KIAA2012: variants seen among roughly 807,000 people sequenced by gnomAD.
KIAA2012 encodes uncharacterized protein KIAA2012.
In KIAA2012, 125 loss-of-function variants were observed where a neutral mutation model predicts 150.6. The observed-to-expected ratio is 0.83, with a 90% CI of 0.72 to 0.96. KIAA2012 has a LOEUF of 0.96. KIAA2012 is among the 40% of genes least tolerant of loss of function. KIAA2012 has a pLI of 0.00. For synonymous variants in KIAA2012, 462 were observed against 504.7 expected (o/e 0.92, Z 1.13); for missense variants, 1,219 against 1,354.9 (o/e 0.90, Z 1.57).
chr2:202,154,957 G>A (rs1691494335), intron 14 of KIAA2012, 147 bp downstream of exon 14: 2 of 957,970 alleles, frequency 2.1e-6, no homozygotes, highest in South Asian at 2.0e-5. Context: ...GCAGTTTGTA[G>A]CAGATGAAGA....
intron 2 of KIAA2012, among the ~76,000 whole-genome samples, chr2:202,080,893 G>A (rs1051110784): frequency 3.9e-5 from 6 of 152,078 alleles, no homozygotes; most frequent in African/African-American, 1.4e-4. Context: ...ACAGTTTGCT[G>A]GCAGTAAGTA....
At chr2:202,110,211 C>A (rs746279619) in intron 10 of KIAA2012, among the ~76,000 whole-genome samples, 2 of 152,214 alleles carry the variant, frequency 1.3e-5, no homozygotes, top group Non-Finnish European at 2.9e-5. Context: ...AGGGCAGAGC[C>A]TGTTCACAGA....
chr2:202,170,183 A>G (rs1178503113), intron 15 of KIAA2012, among the ~76,000 whole-genome samples: 1 of 152,234 alleles, frequency 6.6e-6, no homozygotes, highest in African/African-American at 2.4e-5. Context: ...GGCTCAGTGC[A>G]GCAACAAGTG....
intron 13 of KIAA2012, among the ~76,000 whole-genome samples, chr2:202,139,252 A>G (rs1691147114): frequency 6.8e-6 from 1 of 147,306 alleles, no homozygotes; most frequent in Admixed American, 6.9e-5. Context: ...AAAAAAAAAA[A>G]GAATATCTAT....
At chr2:202,107,484 G>A (rs548309811) in intron 9 of KIAA2012, among the ~76,000 whole-genome samples, 1 of 152,188 alleles carries the variant, frequency 6.6e-6, no homozygotes, top group African/African-American at 2.4e-5. Flanking sequence ...CACAATGCGA[G>A]ATGCACAGCT....
chr2:202,190,379 T>C lies in KIAA2012; in HGVS notation c.2697T>C (p.Tyr899=), dbSNP rs2105747009. ...FVEDPWLSPK[Y]DAQESQVSLD... ...AGGACCCTTGGCTTTCTCCCAAATA[T>C]GATGCCCAGGAAAGCCAAGTTTCTC... The change falls in exon 19 of 24, where the codon TAT becomes TAC. Residue 899 remains tyrosine, a synonymous_variant. Transcript: ENST00000498697. The C allele has an allele frequency of 1.3e-6, 2 of 1,550,652 alleles. No homozygotes were observed. Among genetic ancestry groups the C allele is most frequent in the Non-Finnish European group, 1.7e-6 (2 of 1,147,004 alleles).
chr2:202,193,503 G>A lies in KIAA2012; in HGVS notation c.3014G>A (p.Arg1005His), dbSNP rs768818152. The A allele has an allele frequency of 1.5e-5, 24 of 1,549,912 alleles. No individual in the cohort carries two copies. The highest frequency in any genetic ancestry group is 2.7e-5 in the African/African-American group (2 of 73,160). ...LEQQRRTEEI[R>H]LRKQRLQEEQ... ...CAGCAGAGACGTACAGAAGAGATCCGGTAGGTTGGGCAAGCCAAAGAGACT... is the reference window on the plus strand; with the variant it reads ...CAGCAGAGACGTACAGAAGAGATCCAGTAGGTTGGGCAAGCCAAAGAGACT... The change falls in exon 20 of 24, where the codon CGC becomes CAC. Residue 1005 changes from arginine (R) to histidine (H), a missense_variant and splice_region_variant. Arg to His is a conservative substitution (Grantham distance 29, BLOSUM62 0). Coordinates refer to ENST00000498697, the MANE Select transcript of KIAA2012 (RefSeq NM_001277372.4).
At chr2:202,117,751 C>A (rs901214003) in intron 11 of KIAA2012, among the ~76,000 whole-genome samples, 1 of 152,146 alleles carries the variant, frequency 6.6e-6, no homozygotes, top group African/African-American at 2.4e-5. Context: ...GTTCTAGGGC[C>A]AGATACATTT....
chr2:202,201,490 G>A, intron 22 of KIAA2012: 1 of 1,602,732 alleles, frequency 6.2e-7, no homozygotes, highest in South Asian at 1.1e-5. Context: ...GCACTGGGAG[G>A]GCATCCAGGA....
rs184909905 is a variant in KIAA2012, at chr2:202,190,310, A to G, written c.2628A>G (p.Glu876=). 635 of 1,550,592 alleles carry G rather than the reference A, an allele frequency of 4.1e-4. 1 individual carries two copies. In the African/African-American group the frequency reaches 7.8e-3, roughly 19 times the overall value. Residue 876 remains glutamate, a synonymous_variant, in exon 19 of 24, where the codon GAA becomes GAG. Transcript: ENST00000498697. The part of the protein sequence containing the change: ...SGPDVSYEET[E]DTSNRGSFAS... ...CTGATGTCAGCTATGAGGAAACAGAAGACACCTCAAATAGAGGTTCCTTTG... is the reference window on the plus strand; with the variant it reads ...CTGATGTCAGCTATGAGGAAACAGAGGACACCTCAAATAGAGGTTCCTTTG...
At chr2:202,184,478 T>G (rs556571474) in intron 15 of KIAA2012, among the ~76,000 whole-genome samples, 35 of 151,286 alleles carry the variant, frequency 2.3e-4, no homozygotes, top group African/African-American at 8.3e-4. Flanking sequence ...ATACCAGGAG[T>G]GAGATTCCTG....
intron 22 of KIAA2012, chr2:202,201,462 A>G: frequency 6.3e-7 from 1 of 1,596,118 alleles, no homozygotes; most frequent in Admixed American, 1.7e-5. Context: ...GGCTGCCTGC[A>G]TGACTGCAAG....
chr2:202,074,755 T>G lies in KIAA2012; in HGVS notation c.85-136T>G, dbSNP rs1689284322. 3.5e-6 allele frequency: 3 copies of G among 863,146 alleles called. No individual in the cohort carries two copies. The South Asian group carries it at 5.8e-5, about 17-fold the overall frequency. The allele number at this position is 863,146 out of a possible 1,614,324, so 53.5% of individuals were successfully genotyped here. On this transcript the variant is annotated intron_variant, in intron 1 of 23. Transcript: ENST00000498697. The stretch of plus-strand genomic sequence containing the variant: ...AAAGGCAGTTGCTAAGAAGAGCAAT[T>G]GTGTTCCATAACACCATGTGAACAG...
intron 2 of KIAA2012, among the ~76,000 whole-genome samples, chr2:202,078,395 C>T (rs1689372199): frequency 6.6e-6 from 1 of 152,294 alleles, no homozygotes; most frequent in South Asian, 2.1e-4. Context: ...CTCAAGTGGT[C>T]CTCCCATCTC....
intron 22 of KIAA2012, chr2:202,197,254 C>A: frequency 3.2e-6 from 2 of 624,036 alleles, no homozygotes; most frequent in Non-Finnish European, 2.7e-6. Context: ...CTACGTCAAC[C>A]CCCTAGTTTA....
chr2:202,090,529 A>G (rs1689691665), intron 2 of KIAA2012, among the ~76,000 whole-genome samples: 1 of 152,196 alleles, frequency 6.6e-6, no homozygotes, highest in Admixed American at 6.5e-5. Flanking sequence ...CTATCTCAAG[A>G]TGGGATCTGG....
chr2:202,145,245 T>C (rs1486941155), intron 13 of KIAA2012, among the ~76,000 whole-genome samples: 1 of 152,218 alleles, frequency 6.6e-6, no homozygotes, highest in Non-Finnish European at 1.5e-5. Context: ...TCCATGCCTG[T>C]GCTCACTCTC....
chr2:202,087,065 T>C (rs1440713087), intron 2 of KIAA2012, among the ~76,000 whole-genome samples: 1 of 152,176 alleles, frequency 6.6e-6, no homozygotes, highest in Non-Finnish European at 1.5e-5. Flanking sequence ...CCACTACTTG[T>C]TTGTGTAAAT....
intron 2 of KIAA2012, among the ~76,000 whole-genome samples, chr2:202,081,299 C>T (rs560336095): frequency 6.6e-6 from 1 of 152,172 alleles, no homozygotes; most frequent in Non-Finnish European, 1.5e-5. Context: ...GTGAACAATG[C>T]CCTATAAACA....
Sources: allele counts gnomAD v4.1 joint callset (sites outside exome capture counted in the v4.1 genomes callset), GRCh38; gene constraint gnomAD v4.1.1; transcripts MANE v1.5; gene names NCBI Gene and HGNC (gene_info 2026-07-23, HGNC 2026-07-21).